STK32A: variants seen among roughly 807,000 people sequenced by gnomAD.
The protein encoded by STK32A is serine/threonine-protein kinase 32A.
Under a neutral mutation model 53.2 loss-of-function variants are expected in STK32A, and 41 were observed. That is an observed-to-expected ratio of 0.77 (90% CI 0.60 to 1.00). The LOEUF (loss-of-function observed/expected upper bound fraction) is 1.00, where lower values mean the gene tolerates loss of function less well. STK32A is among the 50% of genes least tolerant of loss of function. STK32A has a pLI of 0.00. For synonymous variants in STK32A, 166 were observed against 162.8 expected (o/e 1.02, Z -0.15); for missense variants, 458 against 485.8 (o/e 0.94, Z 0.54).
chr5:147,351,295 T>G (rs1423028905), intron 7 of STK32A, 141 bp downstream of exon 7: 1 of 683,046 alleles, frequency 1.5e-6, no homozygotes, highest in Non-Finnish European at 2.5e-6. Flanking sequence ...TTCATGGGTC[T>G]TCTCCACTAG....
chr5:147,270,802 G>A (rs932429147), intron 2 of STK32A, among the ~76,000 whole-genome samples: 1 of 151,998 alleles, frequency 6.6e-6, no homozygotes, highest in African/African-American at 2.4e-5. Context: ...GCAAGGTGGT[G>A]GACAAAAAGT....
chr5:147,239,719 T>A, intron 2 of STK32A, 33 bp downstream of exon 2: 1 of 1,553,802 alleles, frequency 6.4e-7, no homozygotes, highest in Non-Finnish European at 8.8e-7. Context: ...ATATAAAAAA[T>A]AGAATTTTGC....
chr5:147,378,266 T>C (rs961472245), intron 11 of STK32A, among the ~76,000 whole-genome samples: 9 of 152,238 alleles, frequency 5.9e-5, no homozygotes, highest in Admixed American at 4.6e-4. Flanking sequence ...CAACATTTGA[T>C]CTGGTTCCTC....
At chr5:147,304,208 G>A (rs938680097) in intron 4 of STK32A, among the ~76,000 whole-genome samples, 1 of 152,172 alleles carries the variant, frequency 6.6e-6, no homozygotes, top group African/African-American at 2.4e-5. Context: ...ACTCAAGATT[G>A]AAAGTCCTGG....
intron 5 of STK32A, among the ~76,000 whole-genome samples, chr5:147,338,705 G>T (rs981434240): frequency 4.6e-5 from 7 of 152,196 alleles, no homozygotes; most frequent in African/African-American, 1.4e-4. Context: ...GAACTTACCA[G>T]GAACTAGAGC....
At position 147,296,736 on chromosome 5, in the gene STK32A, A is replaced by G. The variant is rs147835538; in HGVS notation, c.260+17338A>G. Among the ~76,000 whole-genome samples the G allele has an allele frequency of 4.7e-3, 719 of 152,214 alleles. 5 individuals are homozygous for G. Among genetic ancestry groups the G allele is most frequent in the African/African-American group, 0.015 (615 of 41,534 alleles). ...CAACCAAATATTATTTGAGAGAGAC[A>G]GTTTAACAACCACCTGACCATCACC... On this transcript the variant is annotated intron_variant, in intron 4 of 12. Coordinates refer to ENST00000397936, the MANE Select transcript of STK32A (RefSeq NM_001112724.2).
intron 4 of STK32A, among the ~76,000 whole-genome samples, chr5:147,294,470 C>G (rs1197823482): frequency 1.3e-5 from 2 of 151,950 alleles, no homozygotes; most frequent in South Asian, 4.2e-4. Flanking sequence ...CCATATTGGC[C>G]AGGCTGGTAT....
intron 7 of STK32A, among the ~76,000 whole-genome samples, chr5:147,354,352 G>A (rs540969922): frequency 1.3e-5 from 2 of 152,260 alleles, no homozygotes; most frequent in South Asian, 4.1e-4. Context: ...TGTGCATCTG[G>A]GTTTCCAGGG....
intron 2 of STK32A, among the ~76,000 whole-genome samples, chr5:147,275,248 TTAGTCTTCCTGCTAAC>T (rs1431623253): frequency 5.3e-5 from 8 of 152,200 alleles, no homozygotes; most frequent in Non-Finnish European, 5.9e-5. Flanking sequence ...CATTTTCAAG[TTAGTCTTCCTGCTAAC>T]TAGTGATTCT....
At chr5:147,352,533 G>A (rs1756031346) in intron 7 of STK32A, among the ~76,000 whole-genome samples, 1 of 152,188 alleles carries the variant, frequency 6.6e-6, no homozygotes, top group Non-Finnish European at 1.5e-5. Flanking sequence ...TGCAAGGAGA[G>A]AGCTAGTGTC....
intron 4 of STK32A, among the ~76,000 whole-genome samples, chr5:147,283,470 CAAA>C (rs35437278): frequency 0.28 from 40,215 of 141,498 alleles, 5,810 homozygotes; most frequent in East Asian, 0.53. Context: ...GAAATTGAAA[CAAA>C]AAAAAAAAAA....
At chr5:147,332,634 T>C (rs888037259) in intron 5 of STK32A, among the ~76,000 whole-genome samples, 3 of 152,192 alleles carry the variant, frequency 2.0e-5, no homozygotes, top group Non-Finnish European at 4.4e-5. Flanking sequence ...CTTTTTGTTT[T>C]GGTAAATCTT....
intron 2 of STK32A, among the ~76,000 whole-genome samples, chr5:147,243,987 A>T (rs932467660): frequency 2.6e-5 from 4 of 152,148 alleles, no homozygotes; most frequent in African/African-American, 9.7e-5. Flanking sequence ...CCATCTTCAG[A>T]ACATTTCTCT....
At chr5:147,365,045 T>G (rs1443288566) in intron 8 of STK32A, among the ~76,000 whole-genome samples, 1 of 152,174 alleles carries the variant, frequency 6.6e-6, no homozygotes, top group Admixed American at 6.5e-5. Context: ...CTCTCCTAAC[T>G]TTTTGGAGTC....
intron 5 of STK32A, 105 bp downstream of exon 5, chr5:147,324,176 T>C (rs1300897506): frequency 1.7e-6 from 2 of 1,195,452 alleles, no homozygotes; most frequent in Non-Finnish European, 2.3e-6. Context: ...AATCCCCGTT[T>C]AATTCTTGAA....
chr5:147,370,455 T>C (rs1342503631), intron 8 of STK32A, among the ~76,000 whole-genome samples, 199 bp from the exon 9 acceptor site: 2 of 152,154 alleles, frequency 1.3e-5, no homozygotes, highest in Non-Finnish European at 2.9e-5. Flanking sequence ...CATAAATTCC[T>C]AGTGTCTCTT....
chr5:147,249,908 C>CG (rs1554099042), intron 2 of STK32A, among the ~76,000 whole-genome samples: 1 of 58,578 alleles, frequency 1.7e-5, no homozygotes, highest in African/African-American at 6.7e-5. Context: ...GCCTCTGTCT[C>CG]AAAAAAAAAA....
At chr5:147,365,740 T>A (rs1756715324) in intron 8 of STK32A, among the ~76,000 whole-genome samples, 1 of 152,164 alleles carries the variant, frequency 6.6e-6, no homozygotes, top group South Asian at 2.1e-4. Flanking sequence ...TCATCTTTTA[T>A]GACACACCTA....
intron 11 of STK32A, among the ~76,000 whole-genome samples, chr5:147,376,345 G>C (rs1340445915): frequency 6.6e-6 from 1 of 152,022 alleles, no homozygotes; most frequent in African/African-American, 2.4e-5. Flanking sequence ...TCTCTGAACT[G>C]TCTTCTTCCC....
Sources: gnomAD v4.1 joint callset for allele counts (sites outside exome capture counted in the v4.1 genomes callset) on GRCh38, gnomAD v4.1.1 for gene constraint, MANE v1.5 for transcripts, NCBI Gene and HGNC (gene_info 2026-07-23, HGNC 2026-07-21) for gene names.